Variants in DHX34 observed in about 807,000 individuals in gnomAD.
The protein encoded by DHX34 is probable ATP-dependent RNA helicase DHX34.
A neutral mutation model predicts 111.1 loss-of-function variants in DHX34; 96 were observed. The observed-to-expected ratio is 0.86, with a 90% CI of 0.73 to 1.02. The LOEUF is 1.02. DHX34 is among the 50% of genes least tolerant of loss of function. The pLI is 0.00. For synonymous variants in DHX34, 688 were observed against 670.4 expected (o/e 1.03, Z -0.41); for missense variants, 1,560 against 1,579.9 (o/e 0.99, Z 0.21).
intron 4 of DHX34, 76 bp from the exon 5 acceptor site, chr19:47,359,892 G>A: frequency 6.2e-7 from 1 of 1,606,036 alleles, no homozygotes; most frequent in Middle Eastern, 1.7e-4. Context: ...CTGACACGGG[G>A]GTGGGCAAGA....
Position 47,353,620 on chromosome 19 carries a change from A to G in DHX34, c.590A>G (p.Gln197Arg). ...TGTGGCAAGTCCACTCAGGTGCCCC[A>G]GTACCTGCTGGCTGCTGGCTTCAGT... ...TGCGKSTQVP[Q>R]YLLAAGFSHV... Residue 197 changes from glutamine to arginine, a missense_variant, in exon 2 of 17, where the codon CAG becomes CGG. Physicochemically the swap from Gln to Arg is conservative, Grantham distance 43 (BLOSUM62 1). Transcript: ENST00000328771. This position sits in a 1 kb window ranked among gnomAD's most constrained non-coding sequence, Gnocchi z 4.6. The G allele has an allele frequency of 2.5e-6, 4 of 1,613,368 alleles. No individual in the cohort carries two copies. Among genetic ancestry groups the G allele is most frequent in the Non-Finnish European group, 2.5e-6 (3 of 1,179,988 alleles).
chr19:47,375,381 T>A, intron 9 of DHX34, 85 bp from the exon 10 acceptor site: 1 of 1,451,424 alleles, frequency 6.9e-7, no homozygotes, highest in South Asian at 1.4e-5. Context: ...CTAGCAGCCC[T>A]GCCACTGGGA....
intron 9 of DHX34, 109 bp from the exon 10 acceptor site, chr19:47,375,356 AG>A: frequency 2.1e-6 from 3 of 1,430,524 alleles, no homozygotes; most frequent in Non-Finnish European, 2.7e-6. Context: ...GGCTGTTTTC[AG>A]CCCCCTTTGG....
chr19:47,360,619 C>T (rs562757521), intron 5 of DHX34, among the ~76,000 whole-genome samples: 2 of 152,120 alleles, frequency 1.3e-5, no homozygotes, highest in African/African-American at 4.8e-5. Context: ...TAAGAGATAT[C>T]CCCTCCTCCA....
At chr19:47,356,538 G>A (rs1969462730) in intron 3 of DHX34, among the ~76,000 whole-genome samples, 1 of 151,782 alleles carries the variant, frequency 6.6e-6, no homozygotes, top group South Asian at 2.1e-4. Context: ...GCTGAGGCAG[G>A]AGAATTGCTT....
chr19:47,379,665 C>T (rs747989743), intron 13 of DHX34, 45 bp from the exon 14 acceptor site: 2 of 1,555,636 alleles, frequency 1.3e-6, no homozygotes, highest in East Asian at 2.3e-5. Flanking sequence ...CAATAGCGCC[C>T]TGCCCCTCCC....
chr19:47,373,582 T>C lies in DHX34; in HGVS notation c.1963-17T>C, dbSNP rs1331479968. The C allele has an allele frequency of 1.2e-6, 2 of 1,610,642 alleles. No homozygotes were observed. Among genetic ancestry groups the C allele is most frequent in the Non-Finnish European group, 1.7e-6 (2 of 1,178,690 alleles). On this transcript the variant is annotated splice_polypyrimidine_tract_variant and intron_variant, in intron 8 of 16. Coordinates refer to ENST00000328771, the MANE Select transcript of DHX34 (RefSeq NM_014681.6). ...CTGGCCAGGCCCTGACACCCTGGCG[T>C]CTGCTCCTCCACCCAGGTGAAATCT... is the stretch of plus-strand genomic sequence containing the variant.
chr19:47,373,847 T>G, intron 9 of DHX34, 147 bp downstream of exon 9: 1 of 1,063,578 alleles, frequency 9.4e-7, no homozygotes. Context: ...TGACCAGGTG[T>G]TGGGGCAGCT....
In DHX34 at chr19:47,355,258, C is replaced by T. The variant is rs1459297899; in HGVS notation, c.925C>T (p.Leu309Phe). ...LPTRPDLKVI[L>F]MSATINISLF... ...CACGCGGCCTGACCTCAAGGTCATCCTCATGTCGGCCACCATCAACATCTC... is the reference window on the plus strand; with the variant it reads ...CACGCGGCCTGACCTCAAGGTCATCTTCATGTCGGCCACCATCAACATCTC... The change falls in exon 3 of 17, where the codon CTC (leucine) becomes TTC (phenylalanine). Residue 309 changes from leucine (L) to phenylalanine (F), a missense_variant. Coordinates refer to ENST00000328771, the MANE Select transcript of DHX34 (RefSeq NM_014681.6). The T allele has an allele frequency of 3.1e-6, 5 of 1,614,196 alleles. No individual in the cohort carries two copies. The highest frequency in any genetic ancestry group is 4.2e-6 in the Non-Finnish European group (5 of 1,180,044).
intron 7 of DHX34, among the ~76,000 whole-genome samples, chr19:47,372,197 TCTTCCA>T (rs971447586): frequency 8.6e-5 from 13 of 151,862 alleles, no homozygotes; most frequent in Non-Finnish European, 1.3e-4. Flanking sequence ...CCCCTCTTCC[TCTTCCA>T]CTTCCACCTT....
rs778527823 is a variant in DHX34, at chr19:47,382,176, G to A, written c.*63G>A. On this transcript the variant is annotated 3_prime_UTR_variant, in exon 17 of 17. Transcript: ENST00000328771. ...CCTGCCCTCCAGCCCAGGACTAGGG[G>A]CAGGACTCTTGCCTGAACCCCCAGC... 48 of 1,590,820 alleles carry A rather than the reference G, an allele frequency of 3.0e-5. No individual in the cohort carries two copies. The highest frequency in any genetic ancestry group is 4.0e-5 in the Non-Finnish European group (47 of 1,168,724).
At chr19:47,375,866 G>C in intron 10 of DHX34, 58 bp from the exon 11 acceptor site, 5 of 1,543,708 alleles carry the variant, frequency 3.2e-6, no homozygotes. Flanking sequence ...GGGGTCTGCG[G>C]ATCATGGTAG....
At chr19:47,359,636 GC>G (rs1263369074) in intron 4 of DHX34, among the ~76,000 whole-genome samples, 1 of 152,048 alleles carries the variant, frequency 6.6e-6, no homozygotes, top group African/African-American at 2.4e-5. Flanking sequence ...ACAAAAATTA[GC>G]CGGGCATGGT....
In DHX34 at chr19:47,354,151, C is replaced by T. The variant is rs568905069; in HGVS notation, c.705+416C>T. On this transcript the variant is annotated intron_variant, in intron 2 of 16. Coordinates refer to ENST00000328771, the MANE Select transcript of DHX34 (RefSeq NM_014681.6). ...CTAATTTTTGTAATTTTAGTAGAGA[C>T]GGGGTTTCACCATGTTGGTCAGGCT... is the stretch of plus-strand genomic sequence containing the variant. 1.8e-4 allele frequency among the ~76,000 whole-genome samples: 27 copies of T among 152,228 alleles called. 1 individual carries two copies. The highest frequency in any genetic ancestry group is 1.2e-3 in the Admixed American group (19 of 15,270).
Position 47,353,935 on chromosome 19 carries a change from C to T in DHX34, c.705+200C>T, listed in dbSNP as rs1969373182. On this transcript the variant is annotated intron_variant, in intron 2 of 16. Coordinates refer to ENST00000328771, the MANE Select transcript of DHX34 (RefSeq NM_014681.6). This position sits in a 1 kb window ranked among gnomAD's most constrained non-coding sequence, Gnocchi z 4.6. Reference sequence around the variant, plus strand: ...AGCATTAACCAGTGTAGCACTTTAACAGCAAAACAATGGGAAATGTCCTAA... The same window carrying T: ...AGCATTAACCAGTGTAGCACTTTAATAGCAAAACAATGGGAAATGTCCTAA... 6.6e-6 allele frequency among the ~76,000 whole-genome samples: 1 copy of T among 152,182 alleles called. No homozygotes were observed. The highest frequency in any genetic ancestry group is 6.5e-5 in the Admixed American group (1 of 15,270).
chr19:47,376,144 A>T, intron 11 of DHX34, 47 bp downstream of exon 11: 4 of 1,520,362 alleles, frequency 2.6e-6, no homozygotes, highest in Non-Finnish European at 3.5e-6. Flanking sequence ...CCAACACACG[A>T]ACCCTGAGTG....
chr19:47,373,183 G>A (rs1358565349), intron 8 of DHX34, among the ~76,000 whole-genome samples: 1 of 152,236 alleles, frequency 6.6e-6, no homozygotes, highest in Non-Finnish European at 1.5e-5. Context: ...CCTGGAGAAA[G>A]TCCAGGCTCC....
intron 1 of DHX34, among the ~76,000 whole-genome samples, chr19:47,350,395 C>G (rs903646317): frequency 2.0e-5 from 3 of 151,634 alleles, no homozygotes; most frequent in African/African-American, 7.3e-5. Flanking sequence ...CAGAGTGAGA[C>G]CCTGTTTCAA....
At position 47,362,665 on chromosome 19, in the gene DHX34, G is replaced by C; in HGVS notation, c.1565G>C (p.Arg522Thr). 1 of 1,613,070 alleles carries C rather than the reference G, an allele frequency of 6.2e-7. No individual in the cohort carries two copies. The highest frequency in any genetic ancestry group is 1.1e-5 in the South Asian group (1 of 91,002). Residue 522 changes from arginine (R) to threonine (T), a missense_variant, in exon 6 of 17, where the codon AGG becomes ACG. Coordinates refer to ENST00000328771, the MANE Select transcript of DHX34 (RefSeq NM_014681.6). Reference protein sequence around the residue: ...FAPYPVPEIRRVALDSLVLQM... With the variant: ...FAPYPVPEIRTVALDSLVLQM... ...CCCTACCCCGTCCCAGAAATTCGGA[G>C]GGTGGCCCTGGACTCGTTGGTGCTG...
Sources: allele counts gnomAD v4.1 joint callset (sites outside exome capture counted in the v4.1 genomes callset), GRCh38; gene constraint gnomAD v4.1.1; non-coding constraint Gnocchi (gnomAD v3.1); transcripts MANE v1.5; gene names NCBI Gene and HGNC (gene_info 2026-07-23, HGNC 2026-07-21).